Variants in AK4 observed in about 807,000 individuals in gnomAD.
AK4 encodes adenylate kinase 4, mitochondrial.
Under a neutral mutation model 24.6 loss-of-function variants are expected in AK4, and 13 were observed. That is an observed-to-expected ratio of 0.53 (90% CI 0.34 to 0.84). The LOEUF is 0.84. Ranked by LOEUF, AK4 falls within the 40% of genes least tolerant of loss-of-function variation. The probability of loss-of-function intolerance (pLI) is 0.01; values close to 1 mark genes in which losing one functional copy is unlikely to be tolerated. For missense variants in AK4, 192 were observed against 288.2 expected (o/e 0.67, Z 2.42); for synonymous variants, 88 against 107.0 (o/e 0.82, Z 1.10).
chr1:65,167,753 G>A (rs562272062), intron 1 of AK4, among the ~76,000 whole-genome samples: 1 of 152,120 alleles, frequency 6.6e-6, no homozygotes, highest in Non-Finnish European at 1.5e-5. Flanking sequence ...CAGCTAACTC[G>A]CCTTCTCTGG....
At chr1:65,174,467 CTT>C (rs1241642793) in intron 1 of AK4, among the ~76,000 whole-genome samples, 2 of 152,010 alleles carry the variant, frequency 1.3e-5, no homozygotes, top group Non-Finnish European at 2.9e-5. Context: ...TTATTTTTTT[CTT>C]GGCTACAATT....
chr1:65,186,844 T>A (rs936868092), intron 1 of AK4, among the ~76,000 whole-genome samples: 1 of 152,098 alleles, frequency 6.6e-6, no homozygotes, highest in East Asian at 1.9e-4. Flanking sequence ...AAACATACAC[T>A]CACACAATGT....
chr1:65,156,638 A>G (rs1459465079), intron 1 of AK4, among the ~76,000 whole-genome samples: 2 of 151,982 alleles, frequency 1.3e-5, no homozygotes, highest in Non-Finnish European at 2.9e-5. Flanking sequence ...AAATTTAGAA[A>G]ATTTGCCGGG....
intron 1 of AK4, among the ~76,000 whole-genome samples, chr1:65,186,336 C>A (rs1651099784): frequency 6.6e-6 from 1 of 151,552 alleles, no homozygotes. Context: ...AACGAGTTGC[C>A]CAGGCTGGTC....
intron 1 of AK4, among the ~76,000 whole-genome samples, chr1:65,185,075 TTC>T (rs1651051795): frequency 6.6e-6 from 1 of 152,174 alleles, no homozygotes; most frequent in African/African-American, 2.4e-5. Flanking sequence ...TAACTCAAGG[TTC>T]TCTCTCAAGG....
intron 1 of AK4, among the ~76,000 whole-genome samples, chr1:65,157,544 G>A (rs994571196): frequency 6.6e-6 from 1 of 152,198 alleles, no homozygotes; most frequent in Non-Finnish European, 1.5e-5. Context: ...AGCACTTTGG[G>A]AGGCTGAGGC....
chr1:65,211,389 G>A (rs1336334404), intron 2 of AK4, among the ~76,000 whole-genome samples: 17 of 152,222 alleles, frequency 1.1e-4, no homozygotes, highest in Admixed American at 1.1e-3. Flanking sequence ...TTCTCAAGTC[G>A]TTTTGTAAGC....
intron 1 of AK4, among the ~76,000 whole-genome samples, chr1:65,152,839 G>A (rs576465084): frequency 1.3e-5 from 2 of 152,172 alleles, no homozygotes; most frequent in Admixed American, 6.5e-5. Flanking sequence ...TGCTCATTAA[G>A]TATAAATGTG....
chr1:65,159,715 AT>A (rs1650092095), intron 1 of AK4, among the ~76,000 whole-genome samples: 2 of 150,962 alleles, frequency 1.3e-5, no homozygotes, highest in Admixed American at 6.6e-5. Flanking sequence ...CATGCCTGTA[AT>A]CCCAGCACTT....
Position 65,148,493 on chromosome 1 carries a change from T to C in AK4, c.86T>C (p.Phe29Ser), listed in dbSNP as rs1649645072. Residue 29 changes from phenylalanine (F) to serine (S), a missense_variant, in exon 1 of 5, where the codon TTT (phenylalanine) becomes TCT (serine). Coordinates refer to ENST00000327299, the MANE Select transcript of AK4 (RefSeq NM_013410.4). ...GTVCQRIAQN[F>S]GLQHLSSGHF... ...GTGTGCCAGAGGATCGCCCAGAACTTTGGTCTCCAGCATCTCTCCAGCGGC... is the reference window on the plus strand; with the variant it reads ...GTGTGCCAGAGGATCGCCCAGAACTCTGGTCTCCAGCATCTCTCCAGCGGC... 2 of 1,585,826 alleles carry C rather than the reference T, an allele frequency of 1.3e-6. No individual in the cohort carries two copies. Among genetic ancestry groups the C allele is most frequent in the Non-Finnish European group, 1.7e-6 (2 of 1,166,716 alleles).
chr1:65,218,377 T>C (rs1290430481), intron 2 of AK4, among the ~76,000 whole-genome samples: 1 of 152,242 alleles, frequency 6.6e-6, no homozygotes, highest in African/African-American at 2.4e-5. Flanking sequence ...ACTGGTTTAG[T>C]GATTTTTAGT....
intron 1 of AK4, among the ~76,000 whole-genome samples, chr1:65,172,086 TATATATATATATATATA>T (rs1226170673): frequency 4.3e-5 from 5 of 116,920 alleles, no homozygotes; most frequent in Admixed American, 3.2e-4. Flanking sequence ...TATATATATA[TATATATATATATATATA>T]TTTAAACTCA....
chr1:65,225,922 T>C, intron 4 of AK4, 141 bp from the exon 5 acceptor site: 2 of 851,710 alleles, frequency 2.3e-6, no homozygotes. Context: ...TGTTGATACC[T>C]TTGAAAGGGG....
intron 1 of AK4, among the ~76,000 whole-genome samples, chr1:65,165,756 C>T (rs891570075): frequency 4.6e-5 from 7 of 151,986 alleles, no homozygotes; most frequent in African/African-American, 1.7e-4. Context: ...AGTTTAGATG[C>T]GGTCTAGGGT....
At chr1:65,179,132 A>G (rs1002228057) in intron 1 of AK4, among the ~76,000 whole-genome samples, 2 of 152,222 alleles carry the variant, frequency 1.3e-5, no homozygotes, top group African/African-American at 4.8e-5. Flanking sequence ...GGAAACAGCC[A>G]CATAGAAACT....
In AK4 at chr1:65,148,462, G is replaced by A; in HGVS notation, c.55G>A (p.Gly19Ser). The part of the protein sequence containing the change: ...VILGPPGSGK[G>S]TVCQRIAQNF... Reference sequence around the variant, plus strand: ...CCTCGGGCCGCCCGGCTCGGGCAAGGGCACCGTGTGCCAGAGGATCGCCCA... The same window carrying A: ...CCTCGGGCCGCCCGGCTCGGGCAAGAGCACCGTGTGCCAGAGGATCGCCCA... Residue 19 changes from glycine (G) to serine (S), a missense_variant, in exon 1 of 5, where the codon GGC (glycine) becomes AGC (serine). Gly to Ser is a moderately conservative substitution (Grantham distance 56, BLOSUM62 0). Coordinates refer to ENST00000327299, the MANE Select transcript of AK4 (RefSeq NM_013410.4). The A allele has an allele frequency of 6.3e-7, 1 of 1,574,804 alleles. No homozygotes were observed. Among genetic ancestry groups the A allele is most frequent in the African/African-American group, 1.4e-5 (1 of 73,782 alleles).
chr1:65,205,895 A>G (rs1238087527), intron 2 of AK4, among the ~76,000 whole-genome samples: 1 of 152,130 alleles, frequency 6.6e-6, no homozygotes, highest in Non-Finnish European at 1.5e-5. Context: ...CTTTGTTTAT[A>G]TTCCATAACT....
Position 65,226,063 on chromosome 1 carries a change from G to A in AK4, c.558G>A (p.Lys186=), listed in dbSNP as rs1652446072. 6.2e-7 allele frequency: 1 copy of A among 1,611,826 alleles called. No individual in the cohort carries two copies. The highest frequency in any genetic ancestry group is 8.5e-7 in the Non-Finnish European group (1 of 1,179,796). ...DVAKPVIELY[K]SRGVLHQFSG... ...TTGTATGTTGGGCTTTGTTTTTCAG[G>A]AGCCGAGGAGTGCTCCACCAATTTT... Residue 186 remains lysine, a splice_region_variant and synonymous_variant, in exon 5 of 5, where the codon AAG becomes AAA. Transcript: ENST00000327299.
Position 65,159,546 on chromosome 1 carries a change from A to G in AK4, c.145+10994A>G, listed in dbSNP as rs559958268. ...GTGGCGCATGCCTGTAATCCCAGCTACTTGGGAGACTGAGGTGGGAGGATT... is the reference window on the plus strand; with the variant it reads ...GTGGCGCATGCCTGTAATCCCAGCTGCTTGGGAGACTGAGGTGGGAGGATT... On this transcript the variant is annotated intron_variant, in intron 1 of 4. Coordinates refer to ENST00000327299, the MANE Select transcript of AK4 (RefSeq NM_013410.4). Among the ~76,000 whole-genome samples, 14 of 152,122 alleles carry G rather than the reference A, an allele frequency of 9.2e-5. No individual in the cohort carries two copies. The South Asian group carries it at 2.7e-3, about 29-fold the overall frequency.
Sources: allele counts gnomAD v4.1 joint callset (sites outside exome capture counted in the v4.1 genomes callset), GRCh38; gene constraint gnomAD v4.1.1; transcripts MANE v1.5; gene names NCBI Gene and HGNC (gene_info 2026-07-23, HGNC 2026-07-21).